SEMA6D: variants seen among roughly 807,000 people sequenced by gnomAD.
SEMA6D encodes the protein semaphorin 6D, also known as semaphorin-6D.
SEMA6D carries 35 observed loss-of-function variants against 106.6 expected under a neutral mutation model. That is an observed-to-expected ratio of 0.33 (90% CI 0.25 to 0.44). The LOEUF (loss-of-function observed/expected upper bound fraction) is 0.44. Among genes scored for constraint, SEMA6D ranks in the 20% least tolerant of loss-of-function variants. The pLI, the probability that SEMA6D is intolerant of heterozygous loss-of-function variation, is 1.00. For synonymous variants in SEMA6D, 499 were observed against 487.7 expected, an observed-to-expected ratio of 1.02 and a Z score of -0.31; for missense variants, 1,185 against 1,345.9, an observed-to-expected ratio of 0.88 and a Z score of 1.87.
chr15:47,214,561 T>A lies in SEMA6D; in HGVS notation c.-239+30143T>A, dbSNP rs145355389. 7.7e-3 allele frequency among the ~76,000 whole-genome samples: 1,180 copies of A among 152,342 alleles called. 5 individuals are homozygous for A. The highest frequency in any genetic ancestry group is 0.014 in the Middle Eastern group (4 of 294). On this transcript the variant is annotated intron_variant, in intron 1 of 19. Coordinates refer to the SEMA6D transcript ENST00000558014. Reference sequence around the variant, plus strand: ...ACACTTGTGTTTAGAATACACATAATGAGGGAATTTGGCATCTGTTCTTGT... The same window carrying A: ...ACACTTGTGTTTAGAATACACATAAAGAGGGAATTTGGCATCTGTTCTTGT...
chr15:47,719,989 A>G (rs1162428479), intron 1 of SEMA6D, among the ~76,000 whole-genome samples: 9 of 152,224 alleles, frequency 5.9e-5, no homozygotes, highest in African/African-American at 1.4e-4. Flanking sequence ...CTAAACATCT[A>G]GAGATAAATA....
At chr15:47,538,784 A>G (rs535652253) in intron 3 of SEMA6D, among the ~76,000 whole-genome samples, 18 of 152,354 alleles carry the variant, frequency 1.2e-4, no homozygotes, top group African/African-American at 4.3e-4. Flanking sequence ...TCTACATAAA[A>G]TTATAATTTC....
chr15:47,601,340 C>G (rs1250445245), intron 4 of SEMA6D, among the ~76,000 whole-genome samples: 1 of 152,122 alleles, frequency 6.6e-6, no homozygotes, highest in Non-Finnish European at 1.5e-5. Flanking sequence ...TCTTCCTGTC[C>G]AACTCTAGCA....
intron 1 of SEMA6D, among the ~76,000 whole-genome samples, chr15:47,203,772 T>A (rs1488915614): frequency 6.6e-6 from 1 of 152,164 alleles, no homozygotes; most frequent in African/African-American, 2.4e-5. Flanking sequence ...AAAAGGAAAA[T>A]ACTTTGGGCA....
chr15:47,650,351 C>G (rs1379838870), intron 4 of SEMA6D, among the ~76,000 whole-genome samples: 1 of 152,212 alleles, frequency 6.6e-6, no homozygotes, highest in Non-Finnish European at 1.5e-5. Flanking sequence ...GGCAACCTCT[C>G]TGTCCAAGAA....
chr15:47,369,043 C>T (rs1158733541), intron 1 of SEMA6D, among the ~76,000 whole-genome samples: 1 of 152,196 alleles, frequency 6.6e-6, no homozygotes, highest in East Asian at 1.9e-4. Flanking sequence ...AGCCAGATAA[C>T]TACCTATGGT....
At chr15:47,715,979 C>G (rs1318652909), upstream of SEMA6D, among the ~76,000 whole-genome samples, 1 of 152,182 alleles carries the variant, frequency 6.6e-6, no homozygotes, top group African/African-American at 2.4e-5. Flanking sequence ...CGCCAGGAAA[C>G]AGGCACAGCT....
intron 4 of SEMA6D, among the ~76,000 whole-genome samples, chr15:47,640,243 C>G (rs919243006): frequency 6.6e-6 from 1 of 152,072 alleles, no homozygotes; most frequent in Non-Finnish European, 1.5e-5. Flanking sequence ...CAGGCTTGAG[C>G]GAGGAAAGAT....
At chr15:47,520,067 T>C (rs931676049) in intron 3 of SEMA6D, among the ~76,000 whole-genome samples, 3 of 152,146 alleles carry the variant, frequency 2.0e-5, no homozygotes, top group Admixed American at 6.5e-5. Flanking sequence ...AAGCAAGACC[T>C]TGAGAAAAAT....
chr15:47,545,410 A>G (rs947558010), intron 3 of SEMA6D, among the ~76,000 whole-genome samples: 5 of 152,286 alleles, frequency 3.3e-5, no homozygotes, highest in African/African-American at 1.2e-4. Flanking sequence ...GTCCTGAAAG[A>G]TACATCCTTT....
Position 47,763,971 on chromosome 15 carries a change from C to T in SEMA6D, c.869C>T (p.Ser290Leu), listed in dbSNP as rs996078781. The change falls in exon 10 of 19, where the codon TCG (serine) becomes TTG (leucine). Residue 290 changes from serine to leucine, a missense_variant. Physicochemically the swap from Ser to Leu is moderately radical, Grantham distance 145. Transcript: ENST00000536845. ...CTGAACTGTTCTGTCCCTGGAGATT[C>T]GTTTTTCTACTTTGATGTTCTGCAG... is the stretch of plus-strand genomic sequence containing the variant. ...ARLNCSVPGDSFFYFDVLQSI... is the reference protein window; with the variant it reads ...ARLNCSVPGDLFFYFDVLQSI... 21 of 1,613,888 alleles carry T rather than the reference C, an allele frequency of 1.3e-5. No individual in the cohort carries two copies. Among genetic ancestry groups the T allele is most frequent in the Non-Finnish European group, 1.7e-5 (20 of 1,179,854 alleles).
rs116823083 is a variant in SEMA6D at position 47,262,382 on chromosome 15, C to T, written c.-239+77964C>T. Among the ~76,000 whole-genome samples the T allele has an allele frequency of 5.3e-3, 810 of 152,180 alleles. 13 individuals carry two copies. The highest frequency in any genetic ancestry group is 0.019 in the African/African-American group (779 of 41,536). The stretch of plus-strand genomic sequence containing the variant: ...AAAGAAAAGAGGTTTAATTGGCTCA[C>T]GGTTCCATATGGCTGGGGAGGCCTC... On this transcript the variant is annotated intron_variant, in intron 1 of 19. Coordinates refer to the SEMA6D transcript ENST00000558014.
chr15:47,729,268 A>G (rs1028714402), intron 1 of SEMA6D, among the ~76,000 whole-genome samples: 1 of 152,230 alleles, frequency 6.6e-6, no homozygotes, highest in African/African-American at 2.4e-5. Flanking sequence ...AGTAGTAACA[A>G]CACAAACATT....
intron 2 of SEMA6D, among the ~76,000 whole-genome samples, chr15:47,444,702 A>T (rs1004112070): frequency 6.6e-6 from 1 of 152,118 alleles, no homozygotes; most frequent in African/African-American, 2.4e-5. Flanking sequence ...AGGAATGGGA[A>T]CACACAGACA....
intron 1 of SEMA6D, among the ~76,000 whole-genome samples, chr15:47,351,327 C>T (rs774525673): frequency 7.9e-5 from 12 of 152,070 alleles, no homozygotes; most frequent in Admixed American, 5.2e-4. Flanking sequence ...TAATTGAGTT[C>T]TAAAGGTTAA....
chr15:47,482,665 A>G (rs889955700), intron 3 of SEMA6D, among the ~76,000 whole-genome samples: 1 of 152,200 alleles, frequency 6.6e-6, no homozygotes, highest in Non-Finnish European at 1.5e-5. Context: ...GGTATGAGGA[A>G]AAATGATGAG....
intron 3 of SEMA6D, among the ~76,000 whole-genome samples, chr15:47,561,237 A>G (rs757642650): frequency 6.6e-6 from 1 of 152,082 alleles, no homozygotes. Flanking sequence ...TCTTGAAAGC[A>G]GCAAAAGAAA....
In SEMA6D at chr15:47,774,008, C is replaced by G. The variant is rs933890658; in HGVS notation, c.*2223C>G. On this transcript the variant is annotated 3_prime_UTR_variant, in exon 19 of 19. Transcript: ENST00000536845. ...ATCCTGTTAATTTAATTTTTAAATG[C>G]TTTATCCATTTGTGCAAAGGTAAAC... 2 of 152,538 alleles carry G rather than the reference C, an allele frequency of 1.3e-5. No homozygotes were observed. Among genetic ancestry groups the G allele is most frequent in the African/African-American group, 4.8e-5 (2 of 41,424 alleles). 9.4% of individuals were successfully genotyped at this position (152,538 alleles called of 1,614,324 possible).
At chr15:47,516,758 T>C (rs2044402171) in intron 3 of SEMA6D, among the ~76,000 whole-genome samples, 1 of 152,170 alleles carries the variant, frequency 6.6e-6, no homozygotes. Flanking sequence ...GTGATGCGTA[T>C]TGATGAGTCA....
Sources: gnomAD v4.1 joint callset for allele counts (sites outside exome capture counted in the v4.1 genomes callset) on GRCh38, gnomAD v4.1.1 for gene constraint, MANE v1.5 for transcripts, NCBI Gene and HGNC (gene_info 2026-07-23, HGNC 2026-07-21) for gene names.